PCDHA7: variants seen among roughly 807,000 people sequenced by gnomAD.
PCDHA7 encodes the protein protocadherin alpha 7.
A neutral mutation model predicts 57.2 loss-of-function variants in PCDHA7; 37 were observed. The observed-to-expected ratio is 0.65, with a 90% confidence interval of 0.50 to 0.85. The LOEUF (loss-of-function observed/expected upper bound fraction) is 0.85. Among genes scored for constraint, PCDHA7 ranks in the 40% least tolerant of loss-of-function variants. The pLI, the probability that PCDHA7 is intolerant of heterozygous loss-of-function variation, is 0.00. For synonymous variants in PCDHA7, 553 were observed against 558.8 expected, an observed-to-expected ratio of 0.99 and a Z score of 0.15; for missense variants, 1,188 against 1,241.8, an observed-to-expected ratio of 0.96 and a Z score of 0.65.
At chr5:140,997,720 G>C (rs973128921) in intron 3 of PCDHA7, among the ~76,000 whole-genome samples, 1 of 151,568 alleles carries the variant, frequency 6.6e-6, no homozygotes, top group African/African-American at 2.4e-5. Flanking sequence ...ACCTTTCTAC[G>C]TCAGTACATA....
chr5:140,873,624 A>G lies in PCDHA7; in HGVS notation c.2355+36886A>G, dbSNP rs562277902. On this transcript the variant is annotated intron_variant, in intron 1 of 3. Transcript: ENST00000525929. The stretch of plus-strand genomic sequence containing the variant: ...TTCCTATTGGCTTAACAATTTGTTT[A>G]GGTCAAAGAGTATGTGAGAACTACA... Among the ~76,000 whole-genome samples the G allele has an allele frequency of 2.6e-5, 4 of 152,192 alleles. No homozygotes were observed. In the South Asian group the frequency reaches 8.3e-4, roughly 32 times the overall value.
intron 1 of PCDHA7, among the ~76,000 whole-genome samples, chr5:140,910,040 G>C (rs552041915): frequency 1.3e-5 from 2 of 152,276 alleles, no homozygotes; most frequent in South Asian, 4.2e-4. Context: ...AATCCCACTT[G>C]GTCATAATAA....
chr5:140,870,386 A>G (rs1209102528), intron 1 of PCDHA7: 1 of 1,614,082 alleles, frequency 6.2e-7, no homozygotes, highest in Middle Eastern at 1.6e-4. Flanking sequence ...ACTGCGCGGG[A>G]TGGGGGTTCG....
At chr5:140,873,642 G>A (rs1217578025) in intron 1 of PCDHA7, among the ~76,000 whole-genome samples, 1 of 152,154 alleles carries the variant, frequency 6.6e-6, no homozygotes, top group Non-Finnish European at 1.5e-5. Flanking sequence ...GAGTATGTGA[G>A]AACTACATAA....
intron 1 of PCDHA7, among the ~76,000 whole-genome samples, chr5:140,894,207 A>G (rs962841413): frequency 3.9e-5 from 6 of 152,012 alleles, no homozygotes; most frequent in African/African-American, 1.4e-4. Flanking sequence ...ATGCTATTAT[A>G]TTCTCATTTT....
intron 1 of PCDHA7, chr5:140,969,549 C>A: frequency 1.6e-6 from 2 of 1,238,176 alleles, no homozygotes; most frequent in South Asian, 3.3e-5. Context: ...AGGCATGAAG[C>A]CTTGTCCATA....
At chr5:140,858,847 CTA>C (rs1554152061) in intron 1 of PCDHA7, 1 of 294,410 alleles carries the variant, frequency 3.4e-6, no homozygotes, top group African/African-American at 2.3e-5. Context: ...TTCCACTGAT[CTA>C]TATCTCTTCA....
intron 1 of PCDHA7, chr5:140,853,180 A>G (rs2150529700): frequency 2.0e-6 from 2 of 976,402 alleles, no homozygotes. Flanking sequence ...CGCCTGGCCT[A>G]AAATGTGTTC....
At position 140,851,668 on chromosome 5, in the gene PCDHA7, G is replaced by A. The variant is rs550292349; in HGVS notation, c.2355+14930G>A. 14 of 914,874 alleles carry A rather than the reference G, an allele frequency of 1.5e-5. 2 individuals carry two copies. Among genetic ancestry groups the A allele is most frequent in the Non-Finnish European group, 1.9e-5 (14 of 751,922 alleles). 56.7% of individuals were successfully genotyped at this position (914,874 alleles called of 1,614,324 possible). A position where few individuals can be genotyped will look rare whatever the true frequency, so the allele number is the denominator to read the frequency against. ...TCAAGAAGACATTCTCCTTTTAATT[G>A]AAATTTTCTCCATTCAGTGATAAAA... On this transcript the variant is annotated intron_variant, in intron 1 of 3. Coordinates refer to ENST00000525929, the MANE Select transcript of PCDHA7 (RefSeq NM_018910.3).
chr5:140,883,580 AC>A, intron 1 of PCDHA7: 1 of 1,613,994 alleles, frequency 6.2e-7, no homozygotes. Flanking sequence ...GCTGTGGGCC[AC>A]GGCCAGCGTG....
At chr5:140,999,755 A>G (rs932293037) in intron 3 of PCDHA7, among the ~76,000 whole-genome samples, 1 of 152,168 alleles carries the variant, frequency 6.6e-6, no homozygotes, top group South Asian at 2.1e-4. Context: ...TTCGCAGCAC[A>G]TGATGTCTTT....
In PCDHA7 at chr5:140,952,330, C is replaced by A. The variant is rs564242872; in HGVS notation, c.2356-26619C>A. On this transcript the variant is annotated intron_variant, in intron 1 of 3. Transcript: ENST00000525929. ...TCCAGCCTGGGCAACAAGAGTGAAACTCCATCTCAAAAAAAAAAAAAAAAG... is the reference window on the plus strand; with the variant it reads ...TCCAGCCTGGGCAACAAGAGTGAAAATCCATCTCAAAAAAAAAAAAAAAAG... Among the ~76,000 whole-genome samples the A allele has an allele frequency of 2.2e-4, 26 of 120,342 alleles. No individual in the cohort carries two copies. The South Asian group carries it at 3.3e-3, about 15-fold the overall frequency. The allele number at this position is 120,342 out of a possible 152,430, so 78.9% of individuals were successfully genotyped here. A position where few individuals can be genotyped will look rare whatever the true frequency, so the allele number is the denominator to read the frequency against.
intron 3 of PCDHA7, among the ~76,000 whole-genome samples, chr5:140,983,358 T>C (rs1374842008): frequency 6.6e-6 from 1 of 152,224 alleles, no homozygotes; most frequent in Non-Finnish European, 1.5e-5. Context: ...GTAATAGAAA[T>C]ATGGCTTTGG....
At chr5:140,920,842 A>T (rs1377558160) in intron 1 of PCDHA7, among the ~76,000 whole-genome samples, 3 of 127,576 alleles carry the variant, frequency 2.4e-5, no homozygotes, top group Non-Finnish European at 5.0e-5. Context: ...GACCAAATCT[A>T]AAAAAAAAAA....
chr5:140,966,818 C>G (rs1376177382), intron 1 of PCDHA7: 1 of 1,554,298 alleles, frequency 6.4e-7, no homozygotes, highest in Admixed American at 1.9e-5. Context: ...ACGGCTCCGG[C>G]GGCCCATGCC....
chr5:140,848,170 G>A, intron 1 of PCDHA7: 1 of 259,584 alleles, frequency 3.9e-6, no homozygotes, highest in Non-Finnish European at 7.4e-6. Flanking sequence ...GAAGGCTCCA[G>A]CAAGAGAAAC....
At chr5:140,878,787 T>C (rs2057727241) in intron 1 of PCDHA7, among the ~76,000 whole-genome samples, 1 of 152,222 alleles carries the variant, frequency 6.6e-6, no homozygotes, top group Admixed American at 6.5e-5. Flanking sequence ...ATATGTTCAA[T>C]CACTTTTTAA....
intron 1 of PCDHA7, among the ~76,000 whole-genome samples, chr5:140,948,380 C>T (rs1554218531): frequency 2.6e-5 from 4 of 151,612 alleles, no homozygotes; most frequent in African/African-American, 4.8e-5. Flanking sequence ...GTTCCTTCCT[C>T]TATTTTCTGA....
intron 1 of PCDHA7, chr5:140,875,810 C>A: frequency 6.2e-7 from 1 of 1,614,106 alleles, no homozygotes; most frequent in Non-Finnish European, 8.5e-7. Flanking sequence ...GTGGACAGGC[C>A]GCTGCAGGTT....
Sources: allele counts gnomAD v4.1 joint callset (sites outside exome capture counted in the v4.1 genomes callset), GRCh38; gene constraint gnomAD v4.1.1; transcripts MANE v1.5; gene names NCBI Gene and HGNC (gene_info 2026-07-23, HGNC 2026-07-21).